The following MICU1 variants were observed in gnomAD, a reference collection of about 807,000 sequenced individuals.
MICU1 encodes calcium uptake protein 1, mitochondrial.
A neutral mutation model predicts 56.8 loss-of-function variants in MICU1; 45 were observed. The ratio of observed to expected loss-of-function variants is 0.79; its 90% CI spans 0.62 to 1.02. The LOEUF is 1.02. Ranked by LOEUF, MICU1 falls within the 50% of genes least tolerant of loss-of-function variation. MICU1 has a pLI of 0.00. For synonymous variants in MICU1, 186 were observed against 195.1 expected (o/e 0.95, Z 0.39); for missense variants, 504 against 587.1 (o/e 0.86, Z 1.46).
intron 8 of MICU1, among the ~76,000 whole-genome samples, chr10:72,433,473 G>A (rs1864612736): frequency 6.6e-6 from 1 of 151,030 alleles, no homozygotes; most frequent in African/African-American, 2.4e-5. Flanking sequence ...TGTCGCCCAG[G>A]CTGGAGTGCA....
At chr10:72,608,602 C>T (rs1841755870) in intron 1 of MICU1, among the ~76,000 whole-genome samples, 1 of 152,074 alleles carries the variant, frequency 6.6e-6, no homozygotes, top group South Asian at 2.1e-4. Context: ...AGAATATTTT[C>T]CAGAGAAAAT....
At chr10:72,596,733 C>A (rs1311918660) in intron 1 of MICU1, among the ~76,000 whole-genome samples, 1 of 151,666 alleles carries the variant, frequency 6.6e-6, no homozygotes, top group African/African-American at 2.4e-5. Flanking sequence ...ATTAGCCAGG[C>A]ATGGTGGTGG....
intron 1 of MICU1, among the ~76,000 whole-genome samples, chr10:72,608,020 A>G (rs1001660170): frequency 1.3e-5 from 2 of 151,982 alleles, no homozygotes. Context: ...GAGGAAGAAA[A>G]TTTTGTTTTT....
At chr10:72,559,872 C>T (rs548898955) in intron 3 of MICU1, among the ~76,000 whole-genome samples, 7 of 152,178 alleles carry the variant, frequency 4.6e-5, no homozygotes, top group African/African-American at 9.6e-5. Flanking sequence ...GTCAGATCTG[C>T]GGCAACATTA....
At chr10:72,395,178 C>A (rs927682093) in intron 10 of MICU1, among the ~76,000 whole-genome samples, 3 of 151,760 alleles carry the variant, frequency 2.0e-5, no homozygotes, top group African/African-American at 4.8e-5. Context: ...GACTCCATCT[C>A]AAAAATTTTT....
At chr10:72,395,920 G>A (rs1030219781) in intron 10 of MICU1, among the ~76,000 whole-genome samples, 1 of 152,236 alleles carries the variant, frequency 6.6e-6, no homozygotes, top group Admixed American at 6.5e-5. Context: ...TCTGAAGAGA[G>A]CAGTTGTTCT....
chr10:72,448,127 G>GTGTA (rs556672706), intron 8 of MICU1, among the ~76,000 whole-genome samples: 4,599 of 131,002 alleles, frequency 0.035, 110 homozygotes, highest in Middle Eastern at 0.059. Flanking sequence ...ATATATGTGT[G>GTGTA]TGTGTGTGTG....
intron 8 of MICU1, among the ~76,000 whole-genome samples, chr10:72,431,094 G>GTCTATCTA (rs143659735): frequency 0.22 from 31,355 of 141,124 alleles, 3,896 homozygotes; most frequent in Non-Finnish European, 0.27. Context: ...TTATCTGTCT[G>GTCTATCTA]TCTATCTATC....
chr10:72,594,939 A>T (rs1224738161), intron 1 of MICU1, among the ~76,000 whole-genome samples: 1 of 150,278 alleles, frequency 6.7e-6, no homozygotes, highest in Admixed American at 6.6e-5. Flanking sequence ...AAAAAAAAAA[A>T]GATGAACCAA....
chr10:72,406,268 T>A (rs1564849633), intron 10 of MICU1, among the ~76,000 whole-genome samples: 1 of 152,062 alleles, frequency 6.6e-6, no homozygotes, highest in Non-Finnish European at 1.5e-5. Context: ...GCACAAATTT[T>A]AAAAATATAT....
At chr10:72,529,597 T>C (rs992950920) in intron 5 of MICU1, among the ~76,000 whole-genome samples, 9 of 152,016 alleles carry the variant, frequency 5.9e-5, no homozygotes, top group East Asian at 1.9e-4. Context: ...TTACATGCAA[T>C]AGAAACAGGA....
At chr10:72,533,653 T>C in intron 5 of MICU1, 93 bp downstream of exon 5, 1 of 914,364 alleles carries the variant, frequency 1.1e-6, no homozygotes, top group Non-Finnish European at 1.7e-6. Flanking sequence ...TAAACAGGTA[T>C]TCAGTGATTT....
At chr10:72,510,874 C>T (rs1867424694) in intron 5 of MICU1, among the ~76,000 whole-genome samples, 1 of 152,156 alleles carries the variant, frequency 6.6e-6, no homozygotes, top group Non-Finnish European at 1.5e-5. Context: ...TCAGGTAATC[C>T]ACCCACCTTG....
intron 4 of MICU1, among the ~76,000 whole-genome samples, chr10:72,535,105 C>T (rs1262063857): frequency 6.7e-6 from 1 of 150,182 alleles, no homozygotes; most frequent in Non-Finnish European, 1.5e-5. Context: ...TCTTGGCTCA[C>T]TGCAACCTCC....
chr10:72,473,007 G>A (rs902312280), intron 8 of MICU1: 1 of 152,550 alleles, frequency 6.6e-6, no homozygotes, highest in African/African-American at 2.4e-5. Context: ...GGCTGAGGCA[G>A]GAGAATCGCT....
At chr10:72,473,110 CAAA>C (rs1462541653) in intron 8 of MICU1, 1 of 152,126 alleles carries the variant, frequency 6.6e-6, no homozygotes, top group South Asian at 2.1e-4. Flanking sequence ...AAAATGAAAA[CAAA>C]AGCATCACCA....
At chr10:72,435,913 C>G (rs1864699959) in intron 8 of MICU1, among the ~76,000 whole-genome samples, 1 of 152,268 alleles carries the variant, frequency 6.6e-6, no homozygotes, top group Non-Finnish European at 1.5e-5. Flanking sequence ...AAGCCCACCC[C>G]AGCTCAACAA....
intron 1 of MICU1, among the ~76,000 whole-genome samples, chr10:72,582,334 T>C (rs145868690): frequency 1.3e-5 from 2 of 152,346 alleles, no homozygotes; most frequent in East Asian, 3.9e-4. Context: ...TCATTATTTA[T>C]TGAGCAAAGT....
chr10:72,399,793 T>A (rs1475332236), intron 10 of MICU1, among the ~76,000 whole-genome samples: 2 of 150,798 alleles, frequency 1.3e-5, no homozygotes, highest in African/African-American at 4.9e-5. Flanking sequence ...TAAAACCCCA[T>A]CTCTACTAAA....
Sources: gnomAD v4.1 joint callset for allele counts (sites outside exome capture counted in the v4.1 genomes callset) on GRCh38, gnomAD v4.1.1 for gene constraint, MANE v1.5 for transcripts, NCBI Gene and HGNC (gene_info 2026-07-23, HGNC 2026-07-21) for gene names.